The following ANKS1B variants were observed in gnomAD, a reference collection of about 807,000 sequenced individuals.
ANKS1B encodes ankyrin repeat and sterile alpha motif domain-containing protein 1B.
In ANKS1B, 36 loss-of-function variants were observed where a neutral mutation model predicts 148.3. The ratio of observed to expected loss-of-function variants is 0.24; its 90% CI spans 0.19 to 0.32. The LOEUF is 0.32. ANKS1B is among the 10% of genes least tolerant of loss of function. ANKS1B has a pLI of 1.00. For synonymous variants in ANKS1B, 542 were observed against 560.8 expected (o/e 0.97, Z 0.47); for missense variants, 1,157 against 1,542.6 (o/e 0.75, Z 4.19).
rs932351415 is a variant in ANKS1B at position 98,737,024 on chromosome 12, C to T, written c.691-1390G>A. Among the ~76,000 whole-genome samples, 8 of 152,288 alleles carry T rather than the reference C, an allele frequency of 5.3e-5. No individual in the cohort carries two copies. In the East Asian group the frequency reaches 1.4e-3, roughly 26 times the overall value. Reference sequence around the variant, plus strand: ...ATCTGAAAAATGAGGATCCGTTCCTCCCTCCAGATTGTTGTAGGATTTAAT... The same window carrying T: ...ATCTGAAAAATGAGGATCCGTTCCTTCCTCCAGATTGTTGTAGGATTTAAT... On this transcript the variant is annotated intron_variant, in intron 9 of 9. Transcript: ENST00000341752.
In ANKS1B at chr12:99,134,643, TCTCACACACA is replaced by T. The variant is rs1429666001; in HGVS notation, c.2526+19636_2526+19645del. The stretch of plus-strand genomic sequence containing the variant: ...ATCCCTTTCTGTCTCTCTCTCTCTC[TCTCACACACA>T]CACACACACACACACACACACACAC... On this transcript the variant is annotated intron_variant, in intron 15 of 26. Transcript: ENST00000683438. Among the ~76,000 whole-genome samples the T allele has an allele frequency of 7.4e-3, 616 of 83,054 alleles. 5 individuals carry two copies. The highest frequency in any genetic ancestry group is 0.028 in the East Asian group (60 of 2,152). 54.5% of individuals were successfully genotyped at this position (83,054 alleles called of 152,430 possible).
chr12:99,058,782 G>T (rs2041255355), intron 16 of ANKS1B, among the ~76,000 whole-genome samples: 1 of 127,406 alleles, frequency 7.8e-6, no homozygotes, highest in South Asian at 2.7e-4. Context: ...CTGTCGCCCA[G>T]GCTGGAGTGC....
intron 12 of ANKS1B, among the ~76,000 whole-genome samples, chr12:99,264,211 C>T (rs2076209767): frequency 6.6e-6 from 1 of 152,094 alleles, no homozygotes; most frequent in Non-Finnish European, 1.5e-5. Context: ...TTCTTTAGCT[C>T]ATAAACAAAC....
At chr12:99,094,680 A>G (rs2055300906) in intron 15 of ANKS1B, among the ~76,000 whole-genome samples, 1 of 152,156 alleles carries the variant, frequency 6.6e-6, no homozygotes, top group African/African-American at 2.4e-5. Flanking sequence ...GAAAAAGGTG[A>G]GGCATGTTTT....
intron 17 of ANKS1B, among the ~76,000 whole-genome samples, chr12:99,051,162 A>G (rs752877943): frequency 1.3e-5 from 2 of 152,206 alleles, no homozygotes; most frequent in Non-Finnish European, 2.9e-5. Context: ...TCTAGGCCAC[A>G]GGTACCCCCG....
At chr12:99,035,692 G>A (rs973463167) in intron 17 of ANKS1B, among the ~76,000 whole-genome samples, 2 of 152,140 alleles carry the variant, frequency 1.3e-5, no homozygotes, top group East Asian at 3.9e-4. Context: ...GGAGAAGGAC[G>A]GAGATGCATG....
intron 12 of ANKS1B, among the ~76,000 whole-genome samples, chr12:99,371,783 A>C (rs1232846635): frequency 3.9e-5 from 6 of 152,152 alleles, no homozygotes; most frequent in Non-Finnish European, 7.4e-5. Flanking sequence ...TCCTGTGAAA[A>C]ATATTTTCTT....
At position 98,901,932 on chromosome 12, in the gene ANKS1B, A is replaced by G. The variant is rs114366831; in HGVS notation, c.2779-69796T>C. Among the ~76,000 whole-genome samples, 1,088 of 152,254 alleles carry G rather than the reference A, an allele frequency of 7.1e-3. 17 individuals carry two copies. The highest frequency in any genetic ancestry group is 0.025 in the African/African-American group (1,042 of 41,546). ...CACAGACTGACTCCCAGCACTTACCAATTTTATTATTCTTATTGCCTCCTC... is the reference window on the plus strand; with the variant it reads ...CACAGACTGACTCCCAGCACTTACCGATTTTATTATTCTTATTGCCTCCTC... On this transcript the variant is annotated intron_variant, in intron 17 of 26. Transcript: ENST00000683438.
At chr12:98,894,058 T>C (rs1004759956) in intron 17 of ANKS1B, among the ~76,000 whole-genome samples, 4 of 152,322 alleles carry the variant, frequency 2.6e-5, no homozygotes, top group Middle Eastern at 3.4e-3. Context: ...GCTGCTCTGC[T>C]CCTGCTCTCC....
chr12:99,979,722 C>T (rs1271070260), intron 1 of ANKS1B, among the ~76,000 whole-genome samples: 2 of 151,968 alleles, frequency 1.3e-5, no homozygotes, highest in Non-Finnish European at 1.5e-5. Flanking sequence ...CAAAAGAATG[C>T]CATACACTTA....
chr12:99,052,551 C>A (rs1159604369), intron 17 of ANKS1B, among the ~76,000 whole-genome samples: 12 of 147,484 alleles, frequency 8.1e-5, no homozygotes, highest in Admixed American at 2.0e-4. Context: ...CAAGGTGAAA[C>A]CCCGTCTCTA....
At chr12:99,480,310 G>A (rs1317810207) in intron 10 of ANKS1B, among the ~76,000 whole-genome samples, 1 of 151,786 alleles carries the variant, frequency 6.6e-6, no homozygotes, top group Non-Finnish European at 1.5e-5. Flanking sequence ...TCAAGAAAAT[G>A]TAGGCACATT....
At chr12:99,095,407 C>T (rs1207374602) in intron 15 of ANKS1B, among the ~76,000 whole-genome samples, 2 of 152,188 alleles carry the variant, frequency 1.3e-5, no homozygotes, top group African/African-American at 4.8e-5. Flanking sequence ...ACCTGCTACC[C>T]TTCTGTGCCC....
chr12:99,382,708 A>G (rs2152514793), intron 12 of ANKS1B, among the ~76,000 whole-genome samples: 1 of 91,402 alleles, frequency 1.1e-5, no homozygotes, highest in East Asian at 2.8e-4. Context: ...AAAAAAAAAA[A>G]AAAAAAAAAA....
At chr12:98,998,115 T>A (rs1301352841) in intron 17 of ANKS1B, among the ~76,000 whole-genome samples, 1 of 152,194 alleles carries the variant, frequency 6.6e-6, no homozygotes, top group Non-Finnish European at 1.5e-5. Context: ...ACAACTGTCA[T>A]CTGTTCTGAG....
chr12:99,861,101 C>A (rs2089963004), intron 1 of ANKS1B, among the ~76,000 whole-genome samples: 2 of 152,192 alleles, frequency 1.3e-5, no homozygotes, highest in African/African-American at 4.8e-5. Flanking sequence ...AAATGCCTAG[C>A]TAAAATAAAT....
chr12:99,942,585 A>G (rs190605248), intron 1 of ANKS1B, among the ~76,000 whole-genome samples: 35 of 152,264 alleles, frequency 2.3e-4, no homozygotes, highest in Admixed American at 2.0e-3. Flanking sequence ...GAAAAAGTGG[A>G]CAAAAAAAGC....
intron 12 of ANKS1B, among the ~76,000 whole-genome samples, chr12:99,348,948 T>A (rs531856854): frequency 1.3e-5 from 2 of 152,052 alleles, no homozygotes; most frequent in African/African-American, 4.8e-5. Context: ...TCCTATGTCA[T>A]TTAGAAGACA....
intron 12 of ANKS1B, among the ~76,000 whole-genome samples, chr12:99,363,765 T>C (rs560606173): frequency 1.3e-5 from 2 of 152,248 alleles, no homozygotes; most frequent in East Asian, 3.9e-4. Context: ...AACAAACCTT[T>C]ATGCAACAAA....
Sources: gnomAD v4.1 joint callset for allele counts (sites outside exome capture counted in the v4.1 genomes callset) on GRCh38, gnomAD v4.1.1 for gene constraint, MANE v1.5 for transcripts, NCBI Gene and HGNC (gene_info 2026-07-23, HGNC 2026-07-21) for gene names.